TEX11: variants seen among roughly 807,000 people sequenced by gnomAD.
TEX11 encodes the protein testis-expressed protein 11.
Under a neutral mutation model 84.4 loss-of-function variants are expected in TEX11, and 7 were observed. The ratio of observed to expected loss-of-function variants is 0.08; its 90% confidence interval spans 0.05 to 0.16. The LOEUF (loss-of-function observed/expected upper bound fraction) is 0.16. Ranked by LOEUF, TEX11 falls within the 10% of genes least tolerant of loss-of-function variation. The pLI is 1.00. For synonymous variants in TEX11, 264 were observed against 222.8 expected, an observed-to-expected ratio of 1.18 and a Z score of -1.64; for missense variants, 551 against 660.5, an observed-to-expected ratio of 0.83 and a Z score of 1.82.
chrX:70,546,654 A>G (rs990323719), intron 28 of TEX11, among the ~76,000 whole-genome samples: 27 of 111,439 alleles, frequency 2.4e-4, no homozygotes, highest in African/African-American at 8.8e-4. Context: ...ATTAGCCATC[A>G]AGGAAATATA....
At chrX:70,746,401 C>T (rs1394428941) in intron 9 of TEX11, among the ~76,000 whole-genome samples, 1 of 111,406 alleles carries the variant, frequency 9.0e-6, no homozygotes, top group African/African-American at 3.3e-5. Context: ...ATACTGAGAT[C>T]CTGATCATCT....
At chrX:70,888,457 A>AGG (rs2091721543) in intron 2 of TEX11, among the ~76,000 whole-genome samples, 1 of 112,481 alleles carries the variant, frequency 8.9e-6, no homozygotes, top group East Asian at 2.8e-4. Flanking sequence ...AGAGTCCTTT[A>AGG]ATAGCAAAAT....
chrX:70,840,741 T>C (rs1239136954), intron 7 of TEX11, among the ~76,000 whole-genome samples: 4 of 111,348 alleles, frequency 3.6e-5, no homozygotes, highest in South Asian at 3.8e-4. Flanking sequence ...AGCCATCTCA[T>C]GTGCAGAGAC....
chrX:70,519,411 T>G, the TEX11 span, among the ~76,000 whole-genome samples: 1 of 112,165 alleles, frequency 8.9e-6, no homozygotes, highest in Non-Finnish European at 1.9e-5. Flanking sequence ...GGTTGAAAAT[T>G]CTTTTCTTCA....
chrX:70,648,189 C>T (rs1266657912), intron 17 of TEX11, among the ~76,000 whole-genome samples: 3 of 111,006 alleles, frequency 2.7e-5, no homozygotes, highest in Non-Finnish European at 5.7e-5. Context: ...CGCATATTCT[C>T]ACTCATAGGT....
intron 25 of TEX11, among the ~76,000 whole-genome samples, chrX:70,570,076 G>A (rs902563675): frequency 4.5e-5 from 5 of 112,038 alleles, no homozygotes; most frequent in African/African-American, 1.3e-4. Context: ...AAGCTTCCAG[G>A]CTGCTTTGTT....
chrX:70,639,976 A>C (rs1271643064), intron 17 of TEX11, among the ~76,000 whole-genome samples: 1 of 110,928 alleles, frequency 9.0e-6, no homozygotes, highest in East Asian at 2.8e-4. Flanking sequence ...AATCTGAGCT[A>C]CGGGAGGACA....
intron 13 of TEX11, among the ~76,000 whole-genome samples, chrX:70,717,887 A>C (rs908410600): frequency 6.2e-5 from 7 of 112,377 alleles, no homozygotes; most frequent in Admixed American, 9.5e-5. Context: ...AACAAATAGT[A>C]TGAACAGGTA....
chrX:70,569,841 T>G (rs1209020533), intron 25 of TEX11, among the ~76,000 whole-genome samples: 2 of 111,904 alleles, frequency 1.8e-5, no homozygotes, highest in East Asian at 5.6e-4. Context: ...CCAGTTAGGC[T>G]GCTCGGGGGT....
chrX:70,787,249 C>T (rs1602128933), intron 9 of TEX11, among the ~76,000 whole-genome samples: 1 of 112,183 alleles, frequency 8.9e-6, no homozygotes, highest in Non-Finnish European at 1.9e-5. Context: ...TATAAGAAAC[C>T]CACAGCTAAC....
intron 25 of TEX11, among the ~76,000 whole-genome samples, chrX:70,555,303 A>C (rs906789235): frequency 3.6e-5 from 4 of 112,417 alleles, no homozygotes; most frequent in African/African-American, 1.3e-4. Flanking sequence ...ATCAGCATAG[A>C]AAGAATTTCA....
the TEX11 span, among the ~76,000 whole-genome samples, chrX:70,511,701 C>T: frequency 6.7e-5 from 6 of 89,782 alleles, no homozygotes; most frequent in East Asian, 3.3e-4. Flanking sequence ...TGCAGTGAGC[C>T]GAGACCGCAC....
chrX:70,778,756 TG>T (rs2091017933), intron 9 of TEX11, among the ~76,000 whole-genome samples: 1 of 111,461 alleles, frequency 9.0e-6, no homozygotes, highest in South Asian at 3.8e-4. Context: ...TTTAAAATTT[TG>T]AAATTTAAAA....
chrX:70,521,573 G>A, the TEX11 span, among the ~76,000 whole-genome samples: 4 of 111,511 alleles, frequency 3.6e-5, no homozygotes, highest in Non-Finnish European at 7.5e-5. Flanking sequence ...CACCTCGCCT[G>A]GCCTAGAAAT....
At chrX:70,792,162 C>T (rs192619722) in intron 9 of TEX11, among the ~76,000 whole-genome samples, 1,006 of 96,495 alleles carry the variant, frequency 0.01, 13 homozygotes, top group African/African-American at 0.037. Flanking sequence ...ATGGTACACG[C>T]CTGTAGTTCC....
At chrX:70,564,072 T>C (rs1488247399) in intron 25 of TEX11, among the ~76,000 whole-genome samples, 4 of 111,437 alleles carry the variant, frequency 3.6e-5, no homozygotes, top group Non-Finnish European at 7.5e-5. Flanking sequence ...CTACTAAAAA[T>C]ACAAAAATTA....
intron 17 of TEX11, among the ~76,000 whole-genome samples, chrX:70,633,899 C>T (rs1035258169): frequency 1.8e-5 from 2 of 111,460 alleles, no homozygotes; most frequent in Non-Finnish European, 3.8e-5. Context: ...GCCTAGGTGA[C>T]AGAACAGGTC....
chrX:70,882,092 A>T (rs1463746248), intron 2 of TEX11, among the ~76,000 whole-genome samples: 1 of 109,243 alleles, frequency 9.2e-6, no homozygotes, highest in Admixed American at 9.9e-5. Context: ...TTTTTCCCAT[A>T]AGTTGTTTAA....
At chrX:70,555,169 T>G (rs1452030203) in intron 25 of TEX11, among the ~76,000 whole-genome samples, 4 of 111,966 alleles carry the variant, frequency 3.6e-5, no homozygotes, top group Admixed American at 2.9e-4. Context: ...ACTGGGCTGG[T>G]GCTCACTCTA....
Sources: gnomAD v4.1 joint callset for allele counts (sites outside exome capture counted in the v4.1 genomes callset) on GRCh38, gnomAD v4.1.1 for gene constraint, MANE v1.5 for transcripts, NCBI Gene and HGNC (gene_info 2026-07-23, HGNC 2026-07-21) for gene names.